The following CTNNA3 variants were observed in gnomAD, a reference collection of about 807,000 sequenced individuals.
The protein encoded by CTNNA3 is catenin alpha 3.
Under a neutral mutation model 95.7 loss-of-function variants are expected in CTNNA3, and 76 were observed. That is an observed-to-expected ratio of 0.79 (90% CI 0.66 to 0.96). The LOEUF is 0.96. CTNNA3 is among the 40% of genes least tolerant of loss of function. The pLI, the probability that CTNNA3 is intolerant of heterozygous loss-of-function variation, is 0.00. For synonymous variants in CTNNA3, 431 were observed against 374.4 expected (o/e 1.15, Z -1.74); for missense variants, 1,191 against 1,089.8 (o/e 1.09, Z -1.31).
chr10:66,486,818 TACACAC>T (rs373131708), intron 11 of CTNNA3, among the ~76,000 whole-genome samples: 15 of 140,804 alleles, frequency 1.1e-4, no homozygotes, highest in South Asian at 2.3e-4. Context: ...GATGAACAAA[TACACAC>T]ACACACACAC....
intron 7 of CTNNA3, among the ~76,000 whole-genome samples, chr10:66,859,418 C>G (rs900844376): frequency 6.6e-6 from 1 of 151,612 alleles, no homozygotes; most frequent in African/African-American, 2.4e-5. Flanking sequence ...TGAAAAAATG[C>G]TTACCATCAC....
At chr10:66,647,473 T>C (rs1313435248) in intron 9 of CTNNA3, among the ~76,000 whole-genome samples, 2 of 152,054 alleles carry the variant, frequency 1.3e-5, no homozygotes, top group Admixed American at 6.6e-5. Context: ...TTAAGTAATT[T>C]TGAAGAATAG....
At chr10:66,453,528 G>GA (rs1174831032) in intron 11 of CTNNA3, among the ~76,000 whole-genome samples, 1 of 152,222 alleles carries the variant, frequency 6.6e-6, no homozygotes, top group Non-Finnish European at 1.5e-5. Context: ...AAGTGCTAGG[G>GA]AAAATGACAC....
intron 13 of CTNNA3, among the ~76,000 whole-genome samples, chr10:66,192,230 C>G (rs867125448): frequency 1.1e-4 from 17 of 152,004 alleles, no homozygotes; most frequent in African/African-American, 4.1e-4. Context: ...CACACTCCCC[C>G]GCCAGCAGAA....
At chr10:67,128,136 A>G (rs747747505) in intron 7 of CTNNA3, among the ~76,000 whole-genome samples, 3 of 152,060 alleles carry the variant, frequency 2.0e-5, no homozygotes, top group Non-Finnish European at 4.4e-5. Context: ...GTGATGGTTA[A>G]TTTTATGTGT....
At chr10:66,860,129 C>T (rs71496019) in intron 7 of CTNNA3, among the ~76,000 whole-genome samples, 12,262 of 150,204 alleles carry the variant, frequency 0.082, 549 homozygotes, top group South Asian at 0.095. Flanking sequence ...AACTAACCTG[C>T]ACATTGTGCA....
chr10:67,445,797 T>TA (rs1846723091), intron 5 of CTNNA3, among the ~76,000 whole-genome samples: 1 of 152,206 alleles, frequency 6.6e-6, no homozygotes, highest in Non-Finnish European at 1.5e-5. Flanking sequence ...GGATTACATA[T>TA]AAATTTTATT....
intron 12 of CTNNA3, among the ~76,000 whole-genome samples, chr10:66,362,982 T>C (rs557529570): frequency 6.6e-6 from 1 of 152,306 alleles, no homozygotes; most frequent in East Asian, 1.9e-4. Flanking sequence ...ATAAATTCCT[T>C]CATTATAAAC....
intron 10 of CTNNA3, among the ~76,000 whole-genome samples, chr10:66,609,516 A>T (rs1176388520): frequency 2.6e-5 from 4 of 151,662 alleles, no homozygotes; most frequent in Admixed American, 6.6e-5. Context: ...AACATCACCT[A>T]TCATTAGAGA....
chr10:66,937,263 T>C (rs973668180), intron 7 of CTNNA3, among the ~76,000 whole-genome samples: 4 of 152,138 alleles, frequency 2.6e-5, no homozygotes, highest in African/African-American at 9.7e-5. Context: ...CTAATAAAAA[T>C]GTGTAAAACA....
chr10:66,217,017 T>C (rs2088586266), intron 13 of CTNNA3, among the ~76,000 whole-genome samples: 2 of 152,164 alleles, frequency 1.3e-5, no homozygotes, highest in Admixed American at 1.3e-4. Flanking sequence ...GATAACCACT[T>C]ACTTGTTCTC....
chr10:66,140,161 G>T (rs1385912149), intron 13 of CTNNA3, among the ~76,000 whole-genome samples: 1 of 152,160 alleles, frequency 6.6e-6, no homozygotes, highest in Non-Finnish European at 1.5e-5. Context: ...AGAGAGCTTA[G>T]AAATCCTAAA....
intron 13 of CTNNA3, among the ~76,000 whole-genome samples, chr10:66,108,270 A>T (rs768588844): frequency 6.6e-6 from 1 of 152,156 alleles, no homozygotes; most frequent in Non-Finnish European, 1.5e-5. Flanking sequence ...TTCCTGCCCC[A>T]CACCTTTGAC....
chr10:66,264,323 C>T (rs2132110240), intron 13 of CTNNA3, among the ~76,000 whole-genome samples: 1 of 152,046 alleles, frequency 6.6e-6, no homozygotes, highest in East Asian at 1.9e-4. Context: ...CCTTCAATCC[C>T]ACATTCATTC....
chr10:66,230,848 C>T (rs914952828), intron 13 of CTNNA3, among the ~76,000 whole-genome samples: 1 of 152,130 alleles, frequency 6.6e-6, no homozygotes, highest in Admixed American at 6.5e-5. Flanking sequence ...ATGTATAGAG[C>T]TCTGCCTGGG....
At chr10:66,650,999 C>A (rs1845877920) in intron 9 of CTNNA3, among the ~76,000 whole-genome samples, 1 of 152,122 alleles carries the variant, frequency 6.6e-6, no homozygotes, top group Non-Finnish European at 1.5e-5. Flanking sequence ...GTTGATTGGC[C>A]CATTTTACAG....
At chr10:66,861,837 C>A (rs1843939621) in intron 7 of CTNNA3, among the ~76,000 whole-genome samples, 2 of 152,206 alleles carry the variant, frequency 1.3e-5, no homozygotes, top group South Asian at 4.1e-4. Flanking sequence ...TTACTTGTTT[C>A]TTTAATATTT....
chr10:67,138,048 T>C (rs1860382108), intron 7 of CTNNA3, among the ~76,000 whole-genome samples: 1 of 152,138 alleles, frequency 6.6e-6, no homozygotes, highest in African/African-American at 2.4e-5. Context: ...AAAATAAATA[T>C]TGTATATTAT....
At chr10:66,646,335 A>G (rs1845706592) in intron 9 of CTNNA3, among the ~76,000 whole-genome samples, 1 of 152,172 alleles carries the variant, frequency 6.6e-6, no homozygotes, top group Non-Finnish European at 1.5e-5. Context: ...ACAAAAAATG[A>G]GATTATAGCA....
Sources: gnomAD v4.1 joint callset for allele counts (sites outside exome capture counted in the v4.1 genomes callset) on GRCh38, gnomAD v4.1.1 for gene constraint, MANE v1.5 for transcripts, NCBI Gene and HGNC (gene_info 2026-07-23, HGNC 2026-07-21) for gene names.